Variants in MPPED2 observed in about 807,000 individuals in gnomAD.
MPPED2 encodes metallophosphoesterase MPPED2.
Under a neutral mutation model 33.0 loss-of-function variants are expected in MPPED2, and 5 were observed. The ratio of observed to expected loss-of-function variants is 0.15; its 90% CI spans 0.08 to 0.32. The LOEUF is 0.32. Ranked by LOEUF, MPPED2 falls within the 10% of genes least tolerant of loss-of-function variation. MPPED2 has a pLI of 1.00. For missense variants in MPPED2, 275 were observed against 372.1 expected, an observed-to-expected ratio of 0.74 and a Z score of 2.15; for synonymous variants, 136 against 141.9, an observed-to-expected ratio of 0.96 and a Z score of 0.29.
intron 4 of MPPED2, among the ~76,000 whole-genome samples, chr11:30,449,567 C>T (rs1232815488): frequency 1.4e-5 from 2 of 147,642 alleles, no homozygotes; most frequent in Admixed American, 6.6e-5. Flanking sequence ...TACCTGAGCC[C>T]GGGAAGTAGA....
intron 4 of MPPED2, among the ~76,000 whole-genome samples, chr11:30,456,375 A>G (rs932710957): frequency 2.0e-5 from 3 of 152,228 alleles, no homozygotes; most frequent in African/African-American, 4.8e-5. Flanking sequence ...CATGGCAATG[A>G]GCAGAAGAGG....
At chr11:30,462,524 A>G (rs181548057) in intron 4 of MPPED2, among the ~76,000 whole-genome samples, 2 of 152,342 alleles carry the variant, frequency 1.3e-5, no homozygotes, top group Admixed American at 1.3e-4. Context: ...AAGGAAAGGG[A>G]CAATTAGTCT....
At chr11:30,472,354 C>CT (rs200025553) in intron 4 of MPPED2, among the ~76,000 whole-genome samples, 3,401 of 149,900 alleles carry the variant, frequency 0.023, 143 homozygotes, top group African/African-American at 0.079. Context: ...GAACAAGGGC[C>CT]TGTCTCGAAT....
chr11:30,411,204 G>A lies in MPPED2; in HGVS notation c.*264C>T, dbSNP rs1318266693. The stretch of plus-strand genomic sequence containing the variant: ...TTAAAAGAAAGCTTGGCTGTCCTTT[G>A]GCGAACACTAACAATTTACAATGGC... On this transcript the variant is annotated 3_prime_UTR_variant, in exon 7 of 7. Transcript: ENST00000358117. The A allele has an allele frequency of 9.1e-7, 1 of 1,093,034 alleles. No homozygotes were observed. Among genetic ancestry groups the A allele is most frequent in the Non-Finnish European group, 1.1e-6 (1 of 899,088 alleles). 67.7% of individuals were successfully genotyped at this position (1,093,034 alleles called of 1,614,324 possible). A position where few individuals can be genotyped will look rare whatever the true frequency, so the allele number is the denominator to read the frequency against.
intron 2 of MPPED2, among the ~76,000 whole-genome samples, chr11:30,547,037 C>T (rs1192148916): frequency 6.6e-6 from 1 of 152,162 alleles, no homozygotes; most frequent in Non-Finnish European, 1.5e-5. Context: ...ACTACCTTGG[C>T]AGAGTATATC....
intron 4 of MPPED2, among the ~76,000 whole-genome samples, chr11:30,471,042 T>G (rs1297781658): frequency 6.6e-6 from 1 of 152,180 alleles, no homozygotes; most frequent in Non-Finnish European, 1.5e-5. Context: ...TAATGGTTCA[T>G]TATCAGATTA....
intron 4 of MPPED2, among the ~76,000 whole-genome samples, chr11:30,446,818 C>T (rs1475632501): frequency 6.6e-6 from 1 of 152,136 alleles, no homozygotes; most frequent in African/African-American, 2.4e-5. Flanking sequence ...CCCCCGACGC[C>T]AAGTCCCAGT....
exon 7 of MPPED2, chr11:30,385,929 G>C (rs984180416): frequency 6.6e-6 from 1 of 151,922 alleles, no homozygotes; most frequent in Non-Finnish European, 1.5e-5. Flanking sequence ...TTTCTTCATA[G>C]GGTTTATCAA....
intron 2 of MPPED2, among the ~76,000 whole-genome samples, chr11:30,571,444 C>T (rs920750359): frequency 6.6e-6 from 1 of 151,778 alleles, no homozygotes; most frequent in African/African-American, 2.4e-5. Context: ...TTAGTGTTTC[C>T]ACACAGACAA....
chr11:30,395,868 T>C (rs1167021833), intron 6 of MPPED2, among the ~76,000 whole-genome samples: 1 of 152,176 alleles, frequency 6.6e-6, no homozygotes, highest in African/African-American at 2.4e-5. Context: ...GGTATTAATA[T>C]CACTCTCAAG....
intron 2 of MPPED2, among the ~76,000 whole-genome samples, chr11:30,574,885 T>G: frequency 6.6e-6 from 1 of 152,218 alleles, no homozygotes; most frequent in Non-Finnish European, 1.5e-5. Context: ...CACTCCCTCC[T>G]GCAAATTCAG....
At chr11:30,395,207 G>GA (rs1156558539) in intron 6 of MPPED2, among the ~76,000 whole-genome samples, 3 of 152,176 alleles carry the variant, frequency 2.0e-5, no homozygotes, top group Admixed American at 1.3e-4. Flanking sequence ...AATGTGAAGA[G>GA]AAAAATGGGC....
chr11:30,441,802 C>T (rs1949585220), intron 4 of MPPED2, among the ~76,000 whole-genome samples: 1 of 152,142 alleles, frequency 6.6e-6, no homozygotes. Flanking sequence ...GAGGCCTCAT[C>T]ACAGTTGTCA....
chr11:30,584,235 T>C (rs946136303), intron 1 of MPPED2: 19 of 151,620 alleles, frequency 1.3e-4, no homozygotes, highest in African/African-American at 4.6e-4. Context: ...CTATATAAGG[T>C]GGGGCGGTGG....
At chr11:30,580,543 G>T in intron 1 of MPPED2, 49 bp from the exon 2 acceptor site, 1 of 1,408,814 alleles carries the variant, frequency 7.1e-7, no homozygotes, top group Non-Finnish European at 9.3e-7. Flanking sequence ...GAGAAAAAGG[G>T]TGTTCTAAGA....
intron 4 of MPPED2, among the ~76,000 whole-genome samples, chr11:30,419,603 G>A (rs995569867): frequency 2.0e-5 from 3 of 152,124 alleles, no homozygotes; most frequent in Non-Finnish European, 4.4e-5. Context: ...CTCAGTACAT[G>A]TGCTTCTGGT....
intron 3 of MPPED2, among the ~76,000 whole-genome samples, chr11:30,529,758 G>A (rs147746526): frequency 1.3e-5 from 2 of 152,162 alleles, no homozygotes; most frequent in Non-Finnish European, 2.9e-5. Context: ...AGGATCACTA[G>A]AAAGGGAATA....
chr11:30,522,634 G>C (rs1953938789), intron 3 of MPPED2, among the ~76,000 whole-genome samples: 1 of 152,160 alleles, frequency 6.6e-6, no homozygotes, highest in South Asian at 2.1e-4. Context: ...GGCTCTTCTG[G>C]GACTTAACCT....
intron 4 of MPPED2, among the ~76,000 whole-genome samples, chr11:30,492,643 A>G (rs1171946155): frequency 6.6e-6 from 1 of 152,032 alleles, no homozygotes; most frequent in Non-Finnish European, 1.5e-5. Context: ...GACAGGACTG[A>G]TTTCTGCTGT....
Sources: gnomAD v4.1 joint callset for allele counts (sites outside exome capture counted in the v4.1 genomes callset) on GRCh38, gnomAD v4.1.1 for gene constraint, MANE v1.5 for transcripts, NCBI Gene and HGNC (gene_info 2026-07-23, HGNC 2026-07-21) for gene names.